Variants in UNC13C observed in about 807,000 individuals in gnomAD.
UNC13C encodes unc-13 homolog C, also known as protein unc-13 homolog C.
Under a neutral mutation model 245.4 loss-of-function variants are expected in UNC13C, and 174 were observed. That is an observed-to-expected ratio of 0.71 (90% CI 0.63 to 0.80). UNC13C has a LOEUF of 0.80. UNC13C is among the 30% of genes least tolerant of loss of function. UNC13C has a pLI of 0.00. For synonymous variants in UNC13C, 992 were observed against 895.1 expected, an observed-to-expected ratio of 1.11 and a Z score of -1.93; for missense variants, 2,829 against 2,602.9, an observed-to-expected ratio of 1.09 and a Z score of -1.89.
Position 54,440,062 on chromosome 15 carries a change from G to A in UNC13C, c.4933+24995G>A, listed in dbSNP as rs139750579. Among the ~76,000 whole-genome samples, 771 of 151,990 alleles carry A rather than the reference G, an allele frequency of 5.1e-3. 5 individuals are homozygous for A. Among genetic ancestry groups the A allele is most frequent in the African/African-American group, 0.017 (719 of 41,484 alleles). ...TATCAAGGCAGGGATGGAGTGGGAC[G>A]TTATTGGGTCATGGGGGGTGGGTTC... is the stretch of plus-strand genomic sequence containing the variant. On this transcript the variant is annotated intron_variant, in intron 19 of 32. Coordinates refer to ENST00000260323, the MANE Select transcript of UNC13C (RefSeq NM_001080534.3).
At chr15:54,500,485 T>C (rs1343617464) in intron 21 of UNC13C, among the ~76,000 whole-genome samples, 1 of 152,150 alleles carries the variant, frequency 6.6e-6, no homozygotes, top group African/African-American at 2.4e-5. Flanking sequence ...CCAGGATTTC[T>C]AGATTAGGAG....
upstream of UNC13C, among the ~76,000 whole-genome samples, chr15:53,973,835 C>T (rs1405593335): frequency 6.6e-6 from 1 of 152,078 alleles, no homozygotes; most frequent in Non-Finnish European, 1.5e-5. Context: ...AATCATTACC[C>T]AAGCAGAAAT....
intron 10 of UNC13C, among the ~76,000 whole-genome samples, chr15:54,274,406 C>T (rs1224888033): frequency 6.6e-6 from 1 of 152,078 alleles, no homozygotes; most frequent in African/African-American, 2.4e-5. Context: ...TATCTCAAAT[C>T]CTATCATATG....
chr15:53,969,356 A>C, the UNC13C span, among the ~76,000 whole-genome samples: 6 of 152,262 alleles, frequency 3.9e-5, no homozygotes, highest in African/African-American at 1.4e-4. Flanking sequence ...GAATTTGATA[A>C]ATTATTTTTG....
intron 13 of UNC13C, among the ~76,000 whole-genome samples, chr15:54,302,212 T>A (rs1221752541): frequency 6.6e-6 from 1 of 152,222 alleles, no homozygotes. Context: ...ATGGATAGAT[T>A]GCAAAAATTT....
rs762132225 is a variant in UNC13C at position 54,013,465 on chromosome 15, AAAAAGAGTC to A, written c.565_573del (p.Lys189_Gln191del). The A allele has an allele frequency of 1.2e-6, 2 of 1,613,786 alleles. No homozygotes were observed. The highest frequency in any genetic ancestry group is 2.7e-5 in the African/African-American group (2 of 74,924). On this transcript the variant is annotated inframe_deletion, in exon 2 of 33. Transcript: ENST00000260323. ...AGCTTTACGAAAACTGAGAAAATGG[AAAAAGAGTC>A]AAGAATGTGTCTCCTCAGACTCAGA...
rs560867646 is a variant in UNC13C, at chr15:54,005,877, G to A, written c.-256-6771G>A. ...TCATTCATCGGGAGAAGGAGGAGAA[G>A]AAAATGATATTTAAGGGAAATTAGA... On this transcript the variant is annotated intron_variant, in intron 1 of 32. Coordinates refer to ENST00000260323, the MANE Select transcript of UNC13C (RefSeq NM_001080534.3). Among the ~76,000 whole-genome samples, 22 of 152,214 alleles carry A rather than the reference G, an allele frequency of 1.4e-4. No homozygotes were observed. The East Asian group carries it at 3.7e-3, about 25-fold the overall frequency.
chr15:54,498,387 A>C (rs939480672), intron 20 of UNC13C, among the ~76,000 whole-genome samples: 7 of 152,232 alleles, frequency 4.6e-5, no homozygotes, highest in South Asian at 2.1e-4. Context: ...GAAGATAATT[A>C]GATAATTAAA....
chr15:54,534,405 T>A (rs771820877), intron 26 of UNC13C, among the ~76,000 whole-genome samples: 1 of 152,072 alleles, frequency 6.6e-6, no homozygotes, highest in Non-Finnish European at 1.5e-5. Flanking sequence ...CTCAAAGGCA[T>A]GAAAGAATAT....
chr15:54,193,008 T>G (rs879894466), intron 4 of UNC13C, among the ~76,000 whole-genome samples: 2 of 152,088 alleles, frequency 1.3e-5, no homozygotes, highest in Non-Finnish European at 2.9e-5. Flanking sequence ...AACTCAAAGC[T>G]CACACTTGAA....
intron 30 of UNC13C, among the ~76,000 whole-genome samples, chr15:54,576,546 G>A (rs1897962479): frequency 6.6e-6 from 1 of 152,200 alleles, no homozygotes. Context: ...AAGCTCAGTA[G>A]CCAGGACACC....
chr15:53,912,676 A>C, the UNC13C span: 1 of 151,780 alleles, frequency 6.6e-6, no homozygotes, highest in South Asian at 2.1e-4. Flanking sequence ...TAAAGCCAGT[A>C]CTCCATACAC....
chr15:54,455,199 CTCTCTCTATA>C (rs1164384090), intron 19 of UNC13C, among the ~76,000 whole-genome samples: 43 of 38,760 alleles, frequency 1.1e-3, no homozygotes, highest in African/African-American at 2.4e-3. Context: ...CTCTCTCTCT[CTCTCTCTATA>C]TATATATATA....
chr15:54,568,013 T>A, intron 30 of UNC13C, 66 bp downstream of exon 30: 9 of 1,215,030 alleles, frequency 7.4e-6, no homozygotes, highest in Non-Finnish European at 9.8e-6. Context: ...AACATCAGAA[T>A]TATTATACAT....
At chr15:54,510,348 A>C (rs1278043628) in intron 23 of UNC13C, among the ~76,000 whole-genome samples, 2 of 152,090 alleles carry the variant, frequency 1.3e-5, no homozygotes, top group African/African-American at 4.8e-5. Flanking sequence ...CTATTGGCTT[A>C]GTTTGTGGAT....
chr15:54,435,654 G>A (rs1166363233), intron 19 of UNC13C, among the ~76,000 whole-genome samples: 1 of 151,434 alleles, frequency 6.6e-6, no homozygotes, highest in Non-Finnish European at 1.5e-5. Flanking sequence ...GATGGGTGCA[G>A]CAAACCACCA....
At chr15:54,006,272 T>A (rs1022154891) in intron 1 of UNC13C, among the ~76,000 whole-genome samples, 3 of 152,218 alleles carry the variant, frequency 2.0e-5, no homozygotes, top group African/African-American at 4.8e-5. Flanking sequence ...GTATGTGGGT[T>A]GTAGTTGGGT....
intron 19 of UNC13C, among the ~76,000 whole-genome samples, chr15:54,475,155 G>A (rs147098199): frequency 1.5e-4 from 23 of 151,980 alleles, no homozygotes; most frequent in African/African-American, 5.5e-4. Flanking sequence ...TGAGGTCTTA[G>A]CCATAAAATA....
At chr15:54,133,562 A>G (rs923207823) in intron 2 of UNC13C, among the ~76,000 whole-genome samples, 1 of 152,198 alleles carries the variant, frequency 6.6e-6, no homozygotes, top group African/African-American at 2.4e-5. Flanking sequence ...CATTAACGAC[A>G]TTAAATTGCT....
Sources: gnomAD v4.1 joint callset for allele counts (sites outside exome capture counted in the v4.1 genomes callset) on GRCh38, gnomAD v4.1.1 for gene constraint, MANE v1.5 for transcripts, NCBI Gene and HGNC (gene_info 2026-07-23, HGNC 2026-07-21) for gene names.